The following CSTF3 variants were observed in gnomAD, a reference collection of about 807,000 sequenced individuals.
CSTF3 encodes the protein CF-1 77 kDa subunit.
A neutral mutation model predicts 105.8 loss-of-function variants in CSTF3; 29 were observed. That is an observed-to-expected ratio of 0.27 (90% CI 0.20 to 0.37). CSTF3 has a LOEUF of 0.37. Among genes scored for constraint, CSTF3 ranks in the 10% least tolerant of loss-of-function variants. The pLI, the probability that CSTF3 is intolerant of heterozygous loss-of-function variation, is 1.00. For missense variants in CSTF3, 357 were observed against 879.3 expected (o/e 0.41, Z 7.51); for synonymous variants, 252 against 281.9 (o/e 0.89, Z 1.06).
At chr11:33,147,573 T>A (rs1291326333) in intron 1 of CSTF3, among the ~76,000 whole-genome samples, 1 of 150,186 alleles carries the variant, frequency 6.7e-6, no homozygotes, top group Admixed American at 6.6e-5. Flanking sequence ...TGAGACTTAG[T>A]CTCAAAAAAA....
chr11:33,145,592 C>T (rs1855771777), intron 1 of CSTF3, among the ~76,000 whole-genome samples: 1 of 152,094 alleles, frequency 6.6e-6, no homozygotes, highest in South Asian at 2.1e-4. Context: ...GCAGGCAGCT[C>T]ACTAGGTCAG....
chr11:33,153,182 A>G (rs12807007), intron 1 of CSTF3, among the ~76,000 whole-genome samples: 45,117 of 151,980 alleles, frequency 0.3, 7,710 homozygotes, highest in Middle Eastern at 0.43. Flanking sequence ...CTGGCTGAAT[A>G]GAAGACATTA....
At chr11:33,105,477 G>C in intron 8 of CSTF3, 90 bp downstream of exon 8, 1 of 1,244,836 alleles carries the variant, frequency 8.0e-7, no homozygotes, top group Non-Finnish European at 1.1e-6. Flanking sequence ...GTGTAACACT[G>C]ATACAGAAAG....
At chr11:33,100,120 G>A (rs1253886810) in intron 10 of CSTF3, among the ~76,000 whole-genome samples, 2 of 152,042 alleles carry the variant, frequency 1.3e-5, no homozygotes, top group Admixed American at 6.6e-5. Flanking sequence ...ACTCTGGGAG[G>A]CCAAGGCAGG....
chr11:33,158,904 A>G (rs1849900346), intron 1 of CSTF3, among the ~76,000 whole-genome samples: 1 of 152,168 alleles, frequency 6.6e-6, no homozygotes, highest in South Asian at 2.1e-4. Flanking sequence ...CGAATAGACA[A>G]CAGCCCCAGG....
intron 3 of CSTF3, among the ~76,000 whole-genome samples, chr11:33,140,231 C>T (rs1267974569): frequency 3.9e-5 from 6 of 152,060 alleles, no homozygotes; most frequent in African/African-American, 7.2e-5. Flanking sequence ...CAAAGCAGCA[C>T]GGGCTTCAGC....
intron 15 of CSTF3, among the ~76,000 whole-genome samples, chr11:33,092,831 A>G (rs977248283): frequency 2.6e-5 from 4 of 152,230 alleles, no homozygotes; most frequent in Non-Finnish European, 4.4e-5. Flanking sequence ...TTGCAGAGGT[A>G]CAATATCTAG....
intron 1 of CSTF3, among the ~76,000 whole-genome samples, chr11:33,159,817 T>C (rs977018572): frequency 7.2e-5 from 11 of 152,156 alleles, no homozygotes; most frequent in South Asian, 2.1e-4. Context: ...GGCTTTCAGC[T>C]GTTGATTCCA....
At chr11:33,112,241 C>T (rs1314196567) in intron 3 of CSTF3, among the ~76,000 whole-genome samples, 4 of 148,688 alleles carry the variant, frequency 2.7e-5, no homozygotes, top group Non-Finnish European at 5.9e-5. Context: ...GTGACAAGAG[C>T]GAAACTCTGT....
At chr11:33,100,165 G>C (rs2056989624) in intron 10 of CSTF3, among the ~76,000 whole-genome samples, 1 of 152,032 alleles carries the variant, frequency 6.6e-6, no homozygotes, top group Non-Finnish European at 1.5e-5. Context: ...GACCATCCTG[G>C]CTAACATGGT....
chr11:33,098,776 CAGA>C lies in CSTF3; in HGVS notation c.1054-15_1054-13del, dbSNP rs1304795829. 1.2e-5 allele frequency: 18 copies of C among 1,497,892 alleles called. No homozygotes were observed. The highest frequency in any genetic ancestry group is 1.5e-5 in the Non-Finnish European group (17 of 1,125,688). The allele number at this position is 1,497,892 out of a possible 1,614,324, so 92.8% of individuals were successfully genotyped here. A position where few individuals can be genotyped will look rare whatever the true frequency, so the allele number is the denominator to read the frequency against. On this transcript the variant is annotated splice_polypyrimidine_tract_variant and intron_variant, in intron 12 of 20. Coordinates refer to ENST00000323959, the MANE Select transcript of CSTF3 (RefSeq NM_001326.3). ...TACTTCATGCGACTCTAAGGTGGTA[CAGA>C]AGAAGTGAGTATCAACATATGGTCA...
At chr11:33,129,792 C>T (rs1341299849) in intron 3 of CSTF3, among the ~76,000 whole-genome samples, 8 of 152,310 alleles carry the variant, frequency 5.3e-5, no homozygotes, top group African/African-American at 1.4e-4. Context: ...TAACTGAATA[C>T]ACTAAAGTAA....
chr11:33,129,619 A>G (rs1414624305), intron 3 of CSTF3, among the ~76,000 whole-genome samples: 1 of 152,258 alleles, frequency 6.6e-6, no homozygotes, highest in East Asian at 1.9e-4. Flanking sequence ...CTAAAAGGCC[A>G]CAATTTTTGG....
At chr11:33,160,753 C>T (rs2133814215) in intron 1 of CSTF3, among the ~76,000 whole-genome samples, 1 of 152,170 alleles carries the variant, frequency 6.6e-6, no homozygotes, top group East Asian at 1.9e-4. Context: ...AAAATGAAAA[C>T]GAAATGTGGC....
At chr11:33,128,072 G>A (rs1210459028) in intron 3 of CSTF3, among the ~76,000 whole-genome samples, 1 of 152,034 alleles carries the variant, frequency 6.6e-6, no homozygotes, top group African/African-American at 2.4e-5. Flanking sequence ...TAAGCTAGAC[G>A]CTGGCAATGT....
Position 33,105,875 on chromosome 11 carries a change from A to G in CSTF3, c.458+8T>C, listed in dbSNP as rs899476342. 6.4e-7 allele frequency: 1 copy of G among 1,559,566 alleles called. No homozygotes were observed. The highest frequency in any genetic ancestry group is 8.7e-7 in the Non-Finnish European group (1 of 1,151,704). ...GTAGATGTAAAAAAAAACTATACAA[A>G]TACTTACACGCCTTTTAGGAAATTG... On this transcript the variant is annotated splice_region_variant and intron_variant, in intron 7 of 20. Transcript: ENST00000323959.
chr11:33,142,941 A>G (rs904485277), intron 1 of CSTF3, among the ~76,000 whole-genome samples: 6 of 152,182 alleles, frequency 3.9e-5, no homozygotes, highest in Non-Finnish European at 1.5e-5. Context: ...AAGGGCAAAT[A>G]ATGTCTTAGA....
rs1414708520 is a variant in CSTF3 at position 33,087,187 on chromosome 11, C to G, written c.1642-46G>C. On this transcript the variant is annotated intron_variant, in intron 17 of 20. Transcript: ENST00000323959. Reference sequence around the variant, plus strand: ...AATCCTAAACCTGAAAAAGGGACTACTAGAGAATAATCATGCAATAACCTT... The same window carrying G: ...AATCCTAAACCTGAAAAAGGGACTAGTAGAGAATAATCATGCAATAACCTT... The G allele has an allele frequency of 2.5e-6, 4 of 1,596,872 alleles. No homozygotes were observed. The Admixed American group carries it at 5.1e-5, about 20-fold the overall frequency.
intron 1 of CSTF3, among the ~76,000 whole-genome samples, chr11:33,149,539 G>C (rs936145728): frequency 1.3e-5 from 2 of 152,206 alleles, no homozygotes; most frequent in Non-Finnish European, 2.9e-5. Context: ...CCAAAAGAGA[G>C]ACTGGGCCTC....
Sources: gnomAD v4.1 joint callset for allele counts (sites outside exome capture counted in the v4.1 genomes callset) on GRCh38, gnomAD v4.1.1 for gene constraint, MANE v1.5 for transcripts, NCBI Gene and HGNC (gene_info 2026-07-23, HGNC 2026-07-21) for gene names.